NKAIN2: variants seen among roughly 807,000 people sequenced by gnomAD.
NKAIN2 encodes sodium/potassium transporting ATPase interacting 2.
In NKAIN2, 14 loss-of-function variants were observed where a neutral mutation model predicts 32.6. That is an observed-to-expected ratio of 0.43 (90% CI 0.28 to 0.67). The LOEUF (loss-of-function observed/expected upper bound fraction) is 0.67, where lower values mean the gene tolerates loss of function less well. Ranked by LOEUF, NKAIN2 falls within the 30% of genes least tolerant of loss-of-function variation. NKAIN2 has a pLI of 0.17. For synonymous variants in NKAIN2, 80 were observed against 87.2 expected (o/e 0.92, Z 0.46); for missense variants, 198 against 258.3 (o/e 0.77, Z 1.60).
intron 1 of NKAIN2, among the ~76,000 whole-genome samples, chr6:124,219,272 T>C (rs1479050541): frequency 3.1e-5 from 3 of 96,020 alleles, no homozygotes; most frequent in Non-Finnish European, 4.2e-5. Flanking sequence ...TATTTTCTTT[T>C]TTCTTTTTTT....
At chr6:124,583,724 T>G (rs932887601) in intron 3 of NKAIN2, among the ~76,000 whole-genome samples, 2 of 152,174 alleles carry the variant, frequency 1.3e-5, no homozygotes, top group Admixed American at 1.3e-4. Flanking sequence ...AAGAATCACA[T>G]TATTTGATCT....
intron 1 of NKAIN2, among the ~76,000 whole-genome samples, chr6:124,105,071 G>A (rs758427874): frequency 1.3e-5 from 2 of 152,258 alleles, no homozygotes; most frequent in Middle Eastern, 3.4e-3. Context: ...GGCTGAACTC[G>A]TCATAAAGAA....
Position 124,818,379 on chromosome 6 carries a change from C to T in NKAIN2, c.536-8C>T. 1 of 1,554,908 alleles carries T rather than the reference C, an allele frequency of 6.4e-7. No individual in the cohort carries two copies. The highest frequency in any genetic ancestry group is 1.1e-5 in the South Asian group (1 of 89,346). On this transcript the variant is annotated splice_region_variant and splice_polypyrimidine_tract_variant and intron_variant, in intron 5 of 6. Transcript: ENST00000368417. ...TGAAAAGCTAATTAATGAATTGTCC[C>T]TTTTCAGTTGATTTCATAGGTGGCT...
At chr6:124,615,685 G>A (rs1290907764) in intron 3 of NKAIN2, among the ~76,000 whole-genome samples, 1 of 147,244 alleles carries the variant, frequency 6.8e-6, no homozygotes, top group Non-Finnish European at 1.5e-5. Flanking sequence ...TATTTTTTCT[G>A]ACCCTTTCTG....
At chr6:124,243,831 C>G (rs1320219391) in intron 1 of NKAIN2, among the ~76,000 whole-genome samples, 1 of 151,984 alleles carries the variant, frequency 6.6e-6, no homozygotes, top group Non-Finnish European at 1.5e-5. Flanking sequence ...AAAGTGACCA[C>G]GTTATATACA....
chr6:124,147,192 A>C (rs1787453252), intron 1 of NKAIN2, among the ~76,000 whole-genome samples: 1 of 152,102 alleles, frequency 6.6e-6, no homozygotes. Flanking sequence ...ACTTTTAGAA[A>C]ATATTCTGAT....
intron 1 of NKAIN2, among the ~76,000 whole-genome samples, chr6:124,279,256 T>C (rs998227939): frequency 1.3e-5 from 2 of 151,980 alleles, no homozygotes; most frequent in Non-Finnish European, 2.9e-5. Context: ...ACCTGTACTC[T>C]CAGCACTTTG....
At chr6:124,479,850 TAAC>T (rs1302682741) in intron 3 of NKAIN2, among the ~76,000 whole-genome samples, 2 of 151,802 alleles carry the variant, frequency 1.3e-5, no homozygotes, top group African/African-American at 2.4e-5. Context: ...AAACAAACAA[TAAC>T]AACAAAAAAA....
intron 1 of NKAIN2, among the ~76,000 whole-genome samples, chr6:124,027,427 G>A (rs1423979618): frequency 3.3e-5 from 5 of 152,146 alleles, no homozygotes; most frequent in Admixed American, 3.3e-4. Context: ...TTACAGGCGT[G>A]AGCCACCGCG....
intron 3 of NKAIN2, among the ~76,000 whole-genome samples, chr6:124,605,129 T>C (rs1782450821): frequency 6.6e-6 from 1 of 152,210 alleles, no homozygotes; most frequent in South Asian, 2.1e-4. Flanking sequence ...ACAACTAAGT[T>C]CAATCTTTTG....
chr6:124,057,349 T>C (rs973274510), intron 1 of NKAIN2, among the ~76,000 whole-genome samples: 2 of 152,094 alleles, frequency 1.3e-5, no homozygotes, highest in African/African-American at 4.8e-5. Flanking sequence ...TTTTCAGAAA[T>C]TGGTTGAATG....
At chr6:123,923,348 T>A (rs1185200901) in intron 1 of NKAIN2, among the ~76,000 whole-genome samples, 1 of 152,086 alleles carries the variant, frequency 6.6e-6, no homozygotes, top group African/African-American at 2.4e-5. Flanking sequence ...AACTTTTCAC[T>A]ATAAGCTTTT....
chr6:124,168,146 A>AT (rs113840813), intron 1 of NKAIN2, among the ~76,000 whole-genome samples: 1 of 152,112 alleles, frequency 6.6e-6, no homozygotes, highest in Non-Finnish European at 1.5e-5. Flanking sequence ...TGGACATTTA[A>AT]TTTTTTTATA....
chr6:124,717,866 T>G (rs970163380), intron 4 of NKAIN2, among the ~76,000 whole-genome samples: 3 of 152,152 alleles, frequency 2.0e-5, no homozygotes, highest in African/African-American at 7.2e-5. Flanking sequence ...TCCTGGATAT[T>G]TTCCGTAAAA....
intron 3 of NKAIN2, among the ~76,000 whole-genome samples, chr6:124,373,501 G>C (rs1004391435): frequency 6.6e-6 from 1 of 152,100 alleles, no homozygotes; most frequent in Non-Finnish European, 1.5e-5. Context: ...TCAGTCATTA[G>C]TATGTAAATA....
intron 2 of NKAIN2, among the ~76,000 whole-genome samples, chr6:124,344,547 C>T (rs569862839): frequency 7.3e-4 from 110 of 151,630 alleles, no homozygotes; most frequent in Non-Finnish European, 1.2e-3. Context: ...AGGTCCTTCA[C>T]GTCCCTTGTA....
At chr6:124,354,569 C>T (rs1333463954) in intron 2 of NKAIN2, among the ~76,000 whole-genome samples, 1 of 152,046 alleles carries the variant, frequency 6.6e-6, no homozygotes, top group African/African-American at 2.4e-5. Flanking sequence ...TGGAATGGGA[C>T]AGAGGCAGAA....
chr6:124,081,844 G>C (rs766866907), intron 1 of NKAIN2, among the ~76,000 whole-genome samples: 9 of 151,830 alleles, frequency 5.9e-5, no homozygotes, highest in Non-Finnish European at 7.4e-5. Context: ...TATTAAGTTT[G>C]TGAGTTGGAT....
chr6:124,378,182 G>A (rs566987365), intron 3 of NKAIN2, among the ~76,000 whole-genome samples: 1 of 152,214 alleles, frequency 6.6e-6, no homozygotes, highest in Admixed American at 6.5e-5. Context: ...TGCACTTTGG[G>A]CTGCACTTTT....
Sources: allele counts gnomAD v4.1 joint callset (sites outside exome capture counted in the v4.1 genomes callset), GRCh38; gene constraint gnomAD v4.1.1; transcripts MANE v1.5; gene names NCBI Gene and HGNC (gene_info 2026-07-23, HGNC 2026-07-21).